The following NOL4L variants were observed in gnomAD, a reference collection of about 807,000 sequenced individuals.
NOL4L encodes nucleolar protein 4 like.
NOL4L carries 7 observed loss-of-function variants against 64.5 expected under a neutral mutation model. The observed-to-expected ratio is 0.11, with a 90% confidence interval of 0.06 to 0.20. The LOEUF (loss-of-function observed/expected upper bound fraction) is 0.20, where lower values mean the gene tolerates loss of function less well. Ranked by LOEUF, NOL4L falls within the 10% of genes least tolerant of loss-of-function variation. The pLI is 1.00. For missense variants in NOL4L, 680 were observed against 967.1 expected (o/e 0.70, Z 3.94); for synonymous variants, 413 against 401.0 (o/e 1.03, Z -0.36).
chr20:32,548,396 T>C (rs2018758431), intron 1 of NOL4L: 1 of 152,704 alleles, frequency 6.5e-6, no homozygotes, highest in Non-Finnish European at 1.5e-5. Flanking sequence ...AATTTGCATT[T>C]TTCTGGTAGT....
intron 4 of NOL4L, among the ~76,000 whole-genome samples, chr20:32,490,655 T>C (rs1029016799): frequency 1.1e-4 from 17 of 152,218 alleles, no homozygotes; most frequent in Admixed American, 7.9e-4. Context: ...CTTCTCTATT[T>C]AGATAAATTT....
At chr20:32,581,662 T>C (rs750345177) in intron 1 of NOL4L, among the ~76,000 whole-genome samples, 5 of 152,178 alleles carry the variant, frequency 3.3e-5, no homozygotes, top group Non-Finnish European at 5.9e-5. Context: ...GAAGCCCCCA[T>C]GGGCTTCTTT....
At chr20:32,528,055 G>A (rs1054858722) in intron 1 of NOL4L, 142 bp from the exon 2 acceptor site, 7 of 620,386 alleles carry the variant, frequency 1.1e-5, no homozygotes, top group Admixed American at 6.6e-5. Context: ...AGCCTACCGA[G>A]GGGGCTCCCT....
intron 4 of NOL4L, chr20:32,475,009 C>G (rs775826055): frequency 1.0e-6 from 1 of 985,246 alleles, no homozygotes; most frequent in African/African-American, 1.7e-5. Flanking sequence ...CCTGCAGGGG[C>G]GGATGGCAGG....
At chr20:32,505,508 T>A (rs2017103229) in intron 4 of NOL4L, among the ~76,000 whole-genome samples, 1 of 152,128 alleles carries the variant, frequency 6.6e-6, no homozygotes, top group African/African-American at 2.4e-5. Flanking sequence ...GCAGATCGCT[T>A]GAGTTCCAGA....
intron 4 of NOL4L, among the ~76,000 whole-genome samples, chr20:32,505,866 A>G (rs2017120489): frequency 6.6e-6 from 1 of 152,120 alleles, no homozygotes. Flanking sequence ...AGCAGAATAG[A>G]GGTTACCAGG....
At chr20:32,458,644 C>T (rs776372163) in intron 5 of NOL4L, among the ~76,000 whole-genome samples, 4 of 152,208 alleles carry the variant, frequency 2.6e-5, no homozygotes, top group Admixed American at 6.5e-5. Context: ...CTTCACATAC[C>T]GACACCACCC....
chr20:32,551,745 T>C (rs562027013), intron 1 of NOL4L, among the ~76,000 whole-genome samples: 20 of 152,166 alleles, frequency 1.3e-4, no homozygotes, highest in African/African-American at 4.8e-4. Flanking sequence ...GTGGCAATGG[T>C]TGCACATCTC....
chr20:32,538,151 T>C (rs1478666959), intron 1 of NOL4L, among the ~76,000 whole-genome samples: 1 of 152,194 alleles, frequency 6.6e-6, no homozygotes, highest in Non-Finnish European at 1.5e-5. Flanking sequence ...GAAGTCATTC[T>C]AGGCCACCCC....
At chr20:32,530,800 A>C (rs1391919206) in intron 1 of NOL4L, among the ~76,000 whole-genome samples, 1 of 152,036 alleles carries the variant, frequency 6.6e-6, no homozygotes, top group Non-Finnish European at 1.5e-5. Flanking sequence ...GCATGCCTGT[A>C]ATCCCAGCTC....
At chr20:32,481,962 G>C (rs1408806119) in intron 4 of NOL4L, among the ~76,000 whole-genome samples, 1 of 147,516 alleles carries the variant, frequency 6.8e-6, no homozygotes, top group Non-Finnish European at 1.5e-5. Context: ...GGTGGGGCGG[G>C]GCGGGGGGGG....
chr20:32,551,187 C>G (rs1301828954), intron 1 of NOL4L, among the ~76,000 whole-genome samples: 2 of 151,550 alleles, frequency 1.3e-5, no homozygotes, highest in Non-Finnish European at 2.9e-5. Context: ...ACCAGCCTGG[C>G]CAACATAGTG....
At chr20:32,570,634 C>T (rs971086963) in intron 1 of NOL4L, among the ~76,000 whole-genome samples, 3 of 152,128 alleles carry the variant, frequency 2.0e-5, no homozygotes, top group Admixed American at 6.5e-5. Flanking sequence ...CCAGAAAACC[C>T]GCCCACACCA....
chr20:32,510,703 TG>T (rs1306008413), intron 4 of NOL4L: 7 of 154,106 alleles, frequency 4.5e-5, no homozygotes, highest in Non-Finnish European at 2.9e-5. Context: ...AGGCAGTGGT[TG>T]GGGGGTGGAG....
intron 4 of NOL4L, among the ~76,000 whole-genome samples, chr20:32,505,015 G>A (rs1033926994): frequency 1.3e-5 from 2 of 152,194 alleles, no homozygotes; most frequent in African/African-American, 4.8e-5. Flanking sequence ...TGGGCTGCAG[G>A]GCAGCCTGAG....
chr20:32,501,174 T>C (rs1217561108), intron 4 of NOL4L, among the ~76,000 whole-genome samples: 1 of 152,212 alleles, frequency 6.6e-6, no homozygotes, highest in Non-Finnish European at 1.5e-5. Flanking sequence ...TCCTAAATCA[T>C]GTTGATATTA....
intron 4 of NOL4L, among the ~76,000 whole-genome samples, chr20:32,475,921 G>C (rs528578209): frequency 6.6e-6 from 1 of 152,168 alleles, no homozygotes; most frequent in Non-Finnish European, 1.5e-5. Flanking sequence ...CCACCGGCTG[G>C]GCTGGTAGGG....
chr20:32,508,801 G>C (rs1415477958), intron 4 of NOL4L, among the ~76,000 whole-genome samples: 1 of 152,148 alleles, frequency 6.6e-6, no homozygotes, highest in Non-Finnish European at 1.5e-5. Context: ...GGCAATTCCT[G>C]CATCTCAGGT....
chr20:32,540,709 A>T (rs1447433151), intron 1 of NOL4L, among the ~76,000 whole-genome samples: 1 of 152,042 alleles, frequency 6.6e-6, no homozygotes, highest in Non-Finnish European at 1.5e-5. Context: ...GCCCTGCCAC[A>T]TGGGACTGTC....
Sources: allele counts gnomAD v4.1 joint callset (sites outside exome capture counted in the v4.1 genomes callset), GRCh38; gene constraint gnomAD v4.1.1; transcripts MANE v1.5; gene names NCBI Gene and HGNC (gene_info 2026-07-23, HGNC 2026-07-21).